MOG: variants seen among roughly 807,000 people sequenced by gnomAD.
The protein encoded by MOG is myelin oligodendrocyte glycoprotein.
MOG carries 20 observed loss-of-function variants against 35.9 expected under a neutral mutation model. The ratio of observed to expected loss-of-function variants is 0.56; its 90% CI spans 0.39 to 0.81. The LOEUF is 0.81. MOG is among the 30% of genes least tolerant of loss of function. The pLI is 0.00. For missense variants in MOG, 251 were observed against 301.0 expected (o/e 0.83, Z 1.23); for synonymous variants, 92 against 114.3 (o/e 0.80, Z 1.25).
Position 29,670,923 on chromosome 6 carries a change from G to C in MOG, c.730+202G>C, listed in dbSNP as rs1439720041. The C allele has an allele frequency of 1.2e-6, 2 of 1,610,030 alleles. No homozygotes were observed. The highest frequency in any genetic ancestry group is 1.7e-6 in the Non-Finnish European group (2 of 1,178,664). On this transcript the variant is annotated intron_variant, in intron 7 of 7. Transcript: ENST00000376917. This position sits in a 1 kb window ranked among gnomAD's most constrained non-coding sequence, Gnocchi z 4.2. ...GTTAGAGACACATTTACAGGTGGCA[G>C]AGAAGCTGGAGGCACTCCTATCTGC...
chr6:29,667,522 G>A lies in MOG; in HGVS notation c.551-121G>A, dbSNP rs9500953. 12,864 of 941,126 alleles carry A rather than the reference G, an allele frequency of 0.014. 170 individuals carry two copies. The highest frequency in any genetic ancestry group is 0.038 in the Middle Eastern group (176 of 4,674). 58.3% of individuals were successfully genotyped at this position (941,126 alleles called of 1,614,324 possible). ...AATCCAGTGCTCTTCCTACTCTCCT[G>A]AGGTTGTTTCCAGGCTGCAGAGAAA... is the stretch of plus-strand genomic sequence containing the variant. On this transcript the variant is annotated intron_variant, in intron 3 of 7. Transcript: ENST00000376917.
Position 29,671,526 on chromosome 6 carries a change from C to A in MOG, c.*341C>A. The A allele has an allele frequency of 9.8e-7, 1 of 1,017,278 alleles. No individual in the cohort carries two copies. The highest frequency in any genetic ancestry group is 1.6e-6 in the Non-Finnish European group (1 of 638,022). The allele number at this position is 1,017,278 out of a possible 1,614,324, so 63.0% of individuals were successfully genotyped here. On this transcript the variant is annotated 3_prime_UTR_variant, in exon 8 of 8. Transcript: ENST00000376917. ...AACACAGGATGGTCTCTGCCATGAA[C>A]TGGAGGCCAGGAATCTCCTCACTGA...
chr6:29,658,869 T>C (rs994356357), intron 1 of MOG, among the ~76,000 whole-genome samples: 4 of 152,196 alleles, frequency 2.6e-5, no homozygotes, highest in African/African-American at 9.6e-5. Flanking sequence ...ATCCCAGCGC[T>C]TTGGGGCCAA....
In MOG at chr6:29,671,663, A is replaced by G. The variant is rs1304961547; in HGVS notation, c.*478A>G. Reference sequence around the variant, plus strand: ...GGAAGGAAGAGGAAGAGTGCAAAACATTGAAGAGAGAGCTGAGTGAGCTGA... The same window carrying G: ...GGAAGGAAGAGGAAGAGTGCAAAACGTTGAAGAGAGAGCTGAGTGAGCTGA... On this transcript the variant is annotated 3_prime_UTR_variant, in exon 8 of 8. Transcript: ENST00000376917. The G allele has an allele frequency of 3.3e-6, 2 of 613,168 alleles. No homozygotes were observed. Among genetic ancestry groups the G allele is most frequent in the African/African-American group, 1.8e-5 (1 of 54,244 alleles). The allele number at this position is 613,168 out of a possible 1,614,324, so 38.0% of individuals were successfully genotyped here.
chr6:29,663,748 A>G (rs1280767659), intron 2 of MOG, among the ~76,000 whole-genome samples: 1 of 152,154 alleles, frequency 6.6e-6, no homozygotes, highest in African/African-American at 2.4e-5. Context: ...GGAGAAAAAA[A>G]CCCTTAAGTA....
At chr6:29,663,085 T>C (rs554117043) in intron 2 of MOG, among the ~76,000 whole-genome samples, 3 of 152,234 alleles carry the variant, frequency 2.0e-5, no homozygotes, top group African/African-American at 4.8e-5. Flanking sequence ...CTAGCTAACA[T>C]GGTGAAACCC....
chr6:29,662,809 A>G lies in MOG; in HGVS notation c.436+3143A>G, dbSNP rs1369825434. On this transcript the variant is annotated intron_variant, in intron 2 of 7. Coordinates refer to ENST00000376917, the MANE Select transcript of MOG (RefSeq NM_206809.4). The surrounding 1 kb of genome is among the most constrained non-coding windows in gnomAD (Gnocchi z 4.2). ...ACATAGTAGCTGGGACCACAGGCAC[A>G]CACCACCACACACTGCTAATGTTTT... Among the ~76,000 whole-genome samples, 4 of 151,992 alleles carry G rather than the reference A, an allele frequency of 2.6e-5. No individual in the cohort carries two copies. The highest frequency in any genetic ancestry group is 5.9e-5 in the Non-Finnish European group (4 of 67,996).
intron 2 of MOG, 83 bp downstream of exon 2, chr6:29,659,749 A>G: frequency 1.8e-6 from 2 of 1,103,074 alleles, no homozygotes; most frequent in South Asian, 2.6e-5. Flanking sequence ...AGATCCCTCA[A>G]CCCAAACATC....
At chr6:29,664,216 T>TTA (rs1769634391) in intron 2 of MOG, among the ~76,000 whole-genome samples, 1 of 150,200 alleles carries the variant, frequency 6.7e-6, no homozygotes, top group South Asian at 2.1e-4. Context: ...ATTTATTTAT[T>TTA]TTTTTTTTGA....
In MOG at chr6:29,662,020, T is replaced by C. The variant is rs1472554088; in HGVS notation, c.436+2354T>C. 6.1e-6 allele frequency: 6 copies of C among 985,234 alleles called. No individual in the cohort carries two copies. The highest frequency in any genetic ancestry group is 6.0e-6 in the Non-Finnish European group (5 of 829,900). 61.0% of individuals were successfully genotyped at this position (985,234 alleles called of 1,614,324 possible). A position where few individuals can be genotyped will look rare whatever the true frequency, so the allele number is the denominator to read the frequency against. On this transcript the variant is annotated intron_variant, in intron 2 of 7. Coordinates refer to ENST00000376917, the MANE Select transcript of MOG (RefSeq NM_206809.4). The surrounding 1 kb of genome is among the most constrained non-coding windows in gnomAD (Gnocchi z 4.2). ...TTTGGAGCCAGGAAGTTGAGACAAA[T>C]TTAGGAATGAGATGAAGTAATGGTA...
At chr6:29,666,287 G>A (rs1276736690) in intron 3 of MOG, 22 bp downstream of exon 3, 1 of 1,424,008 alleles carries the variant, frequency 7.0e-7, no homozygotes, top group Admixed American at 1.7e-5. Context: ...AGGGTGGGTG[G>A]ATCAGGATCC....
At chr6:29,663,559 T>A (rs1267970440) in intron 2 of MOG, among the ~76,000 whole-genome samples, 1 of 152,212 alleles carries the variant, frequency 6.6e-6, no homozygotes, top group African/African-American at 2.4e-5. Context: ...CTCCATGCCC[T>A]GTGTTTTTCT....
Position 29,671,216 on chromosome 6 carries a change from G to C in MOG, c.*31G>C. On this transcript the variant is annotated 3_prime_UTR_variant, in exon 8 of 8. Transcript: ENST00000376917. ...GTCACATCTTGGCAGGGGTGGAGGA[G>C]AGCCTGGTTGCCCAGGGATTTGTCC... 6.2e-7 allele frequency: 1 copy of C among 1,612,734 alleles called. No individual in the cohort carries two copies. Among genetic ancestry groups the C allele is most frequent in the Non-Finnish European group, 8.5e-7 (1 of 1,180,002 alleles).
rs1348458679 is a variant in MOG at position 29,670,169 on chromosome 6, C to T, written c.593-112C>T. On this transcript the variant is annotated intron_variant, in intron 5 of 7. Coordinates refer to ENST00000376917, the MANE Select transcript of MOG (RefSeq NM_206809.4). This position sits in a 1 kb window ranked among gnomAD's most constrained non-coding sequence, Gnocchi z 4.2. The stretch of plus-strand genomic sequence containing the variant: ...GTTCATGGACTTTCTGAATTTTGTC[C>T]CCAGAGTCCTTTGGTGTTCTAGGAC... 1.3e-6 allele frequency: 2 copies of T among 1,589,224 alleles called. No individual in the cohort carries two copies. Among genetic ancestry groups the T allele is most frequent in the African/African-American group, 1.3e-5 (1 of 74,480 alleles).
Position 29,662,144 on chromosome 6 carries a change from A to G in MOG, c.436+2478A>G. On this transcript the variant is annotated intron_variant, in intron 2 of 7. Coordinates refer to ENST00000376917, the MANE Select transcript of MOG (RefSeq NM_206809.4). The surrounding 1 kb of genome is among the most constrained non-coding windows in gnomAD (Gnocchi z 4.2). Reference sequence around the variant, plus strand: ...TTTTTCTTGTCATTTTTGTGATTTTATTACTAGTTGTCTCTAATCCTTTCT... The same window carrying G: ...TTTTTCTTGTCATTTTTGTGATTTTGTTACTAGTTGTCTCTAATCCTTTCT... 4.1e-6 allele frequency: 4 copies of G among 984,786 alleles called. No homozygotes were observed. The South Asian group carries it at 1.4e-4, about 35-fold the overall frequency. 61.0% of individuals were successfully genotyped at this position (984,786 alleles called of 1,614,324 possible).
At chr6:29,668,671 C>G (rs1388934049) in intron 5 of MOG, among the ~76,000 whole-genome samples, 1 of 151,614 alleles carries the variant, frequency 6.6e-6, no homozygotes, top group Non-Finnish European at 1.5e-5. Context: ...AGTGTGTGGA[C>G]CACACACACA....
chr6:29,657,671 TTTTTTTTTTTTTTG>T (rs1306234775), intron 1 of MOG, among the ~76,000 whole-genome samples: 1 of 148,058 alleles, frequency 6.8e-6, no homozygotes, highest in African/African-American at 2.5e-5. Context: ...TTCTTTTTTT[TTTTTTTTTTTTTTG>T]TATTTTAGTA....
intron 2 of MOG, among the ~76,000 whole-genome samples, chr6:29,665,797 C>G (rs1037627780): frequency 7.3e-6 from 1 of 136,158 alleles, no homozygotes; most frequent in African/African-American, 3.2e-5. Flanking sequence ...TTTAATTATG[C>G]TTGTAGGCGA....
At chr6:29,663,272 A>G (rs1292330061) in intron 2 of MOG, among the ~76,000 whole-genome samples, 1 of 150,422 alleles carries the variant, frequency 6.6e-6, no homozygotes, top group Non-Finnish European at 1.5e-5. Flanking sequence ...GACTCAAAAA[A>G]AAAAAAAAAA....
Sources: gnomAD v4.1 joint callset for allele counts (sites outside exome capture counted in the v4.1 genomes callset) on GRCh38, gnomAD v4.1.1 for gene constraint, Gnocchi (gnomAD v3.1) non-coding constraint, MANE v1.5 for transcripts, NCBI Gene and HGNC (gene_info 2026-07-23, HGNC 2026-07-21) for gene names.